CCDC187: variants seen among roughly 807,000 people sequenced by gnomAD.
CCDC187 encodes the protein coiled-coil domain-containing protein 187.
CCDC187 carries 32 observed loss-of-function variants against 38.0 expected under a neutral mutation model. That is an observed-to-expected ratio of 0.84 (90% CI 0.64 to 1.13). The LOEUF (loss-of-function observed/expected upper bound fraction) is 1.13. Ranked by LOEUF, CCDC187 falls within the 50% of genes most tolerant of loss-of-function variation. CCDC187 has a pLI of 0.00. For synonymous variants in CCDC187, 333 were observed against 347.9 expected, an observed-to-expected ratio of 0.96 and a Z score of 0.48; for missense variants, 707 against 786.8, an observed-to-expected ratio of 0.90 and a Z score of 1.21.
chr9:136,293,353 A>ACACT (rs1831405688), intron 4 of CCDC187, among the ~76,000 whole-genome samples: 1 of 147,574 alleles, frequency 6.8e-6, no homozygotes, highest in African/African-American at 2.5e-5. Flanking sequence ...TCACATGCTC[A>ACACT]CACACATTCA....
intron 3 of CCDC187, among the ~76,000 whole-genome samples, chr9:136,298,330 G>C (rs879179340): frequency 0.055 from 8,345 of 152,292 alleles, 250 homozygotes; most frequent in Middle Eastern, 0.11. Flanking sequence ...AGACCTGGGG[G>C]GGCCTTGGCA....
At chr9:136,289,540 AAAG>A (rs1831261963) in intron 7 of CCDC187, among the ~76,000 whole-genome samples, 4 of 150,796 alleles carry the variant, frequency 2.7e-5, no homozygotes, top group South Asian at 2.1e-4. Context: ...AAAAAAAAAA[AAAG>A]AATAGGCAAA....
chr9:136,256,124 C>T lies in CCDC187; in HGVS notation c.4616+87G>A, dbSNP rs782336083. On this transcript the variant is annotated intron_variant, in intron 24 of 25. Transcript: ENST00000638797. ...AGGTGTGCCAGGAGAGAGTGAGGGT[C>T]CCCACAGCAGGGGGACAGGGGGTAC... 118 of 672,718 alleles carry T rather than the reference C, an allele frequency of 1.8e-4. 1 individual carries two copies. The highest frequency in any genetic ancestry group is 3.9e-4 in the South Asian group (6 of 15,264). The allele number at this position is 672,718 out of a possible 1,614,324, so 41.7% of individuals were successfully genotyped here.
chr9:136,285,282 G>A (rs976755694), intron 9 of CCDC187, among the ~76,000 whole-genome samples: 71 of 152,254 alleles, frequency 4.7e-4, no homozygotes, highest in African/African-American at 1.5e-3. Flanking sequence ...GGCATTCGTG[G>A]GGGGAGTGTC....
intron 4 of CCDC187, among the ~76,000 whole-genome samples, chr9:136,294,159 CAT>C (rs1265104088): frequency 2.6e-5 from 4 of 151,288 alleles, no homozygotes; most frequent in Admixed American, 2.6e-4. Flanking sequence ...CTCACACACA[CAT>C]TCACTCACAC....
Position 136,253,745 on chromosome 9 carries a change from G to T in CCDC187, c.6083C>A (p.Thr2028Asn). 1 of 985,610 alleles carries T rather than the reference G, an allele frequency of 1.0e-6. No homozygotes were observed. Among genetic ancestry groups the T allele is most frequent in the East Asian group, 1.1e-4 (1 of 8,820 alleles). The allele number at this position is 985,610 out of a possible 1,614,324, so 61.1% of individuals were successfully genotyped here. Residue 2028 changes from threonine to asparagine, a missense_variant, in exon 26 of 26, where the codon ACC becomes AAC. Thr to Asn is a moderately conservative substitution (Grantham distance 65). Transcript: ENST00000638797. The part of the protein sequence containing the change: ...TPQAQSDGED[T>N]NPCSDAFPSP... ...AGGGAAGGCATCCGAGCATGGGTTG[G>T]TGTCTTCACCATCACTCTGTGCTTG... is the stretch of plus-strand genomic sequence containing the variant.
At chr9:136,293,803 CAG>C (rs1388464694) in intron 4 of CCDC187, among the ~76,000 whole-genome samples, 1 of 152,106 alleles carries the variant, frequency 6.6e-6, no homozygotes, top group Non-Finnish European at 1.5e-5. Flanking sequence ...CACTTTCACA[CAG>C]ACACACATGC....
intron 19 of CCDC187, among the ~76,000 whole-genome samples, chr9:136,261,842 C>G (rs1830682494): frequency 6.6e-6 from 1 of 152,236 alleles, no homozygotes; most frequent in South Asian, 2.1e-4. Context: ...GGGGCCTGAG[C>G]TCAAAGGAGA....
intron 2 of CCDC187, among the ~76,000 whole-genome samples, chr9:136,302,230 C>G (rs1021644539): frequency 7.9e-5 from 12 of 152,136 alleles, no homozygotes; most frequent in African/African-American, 2.9e-4. Context: ...AGGAAAACAT[C>G]TTCCCTGTTT....
At chr9:136,299,117 G>A (rs1831607851) in intron 3 of CCDC187, among the ~76,000 whole-genome samples, 1 of 152,188 alleles carries the variant, frequency 6.6e-6, no homozygotes, top group Admixed American at 6.5e-5. Context: ...CCCCTGGAAG[G>A]CGGAGGAGGG....
Position 136,268,045 on chromosome 9 carries a change from G to C in CCDC187, c.3519+4C>G, listed in dbSNP as rs958208454. ...CCTCTCCCCCAGGGGACCTCTCCAC[G>C]TACCTGGTGGGTGGGGTTGTCCGGA... is the stretch of plus-strand genomic sequence containing the variant. On this transcript the variant is annotated splice_donor_region_variant and intron_variant, in intron 15 of 25. Coordinates refer to ENST00000638797, the MANE Select transcript of CCDC187 (RefSeq NM_001378188.1). 8.1e-6 allele frequency: 8 copies of C among 985,370 alleles called. No individual in the cohort carries two copies. Among genetic ancestry groups the C allele is most frequent in the Non-Finnish European group, 7.2e-6 (6 of 829,940 alleles). The allele number at this position is 985,370 out of a possible 1,614,324, so 61.0% of individuals were successfully genotyped here.
chr9:136,290,256 C>T (rs961808063), intron 6 of CCDC187, among the ~76,000 whole-genome samples: 184 of 152,234 alleles, frequency 1.2e-3, no homozygotes, highest in Non-Finnish European at 2.3e-3. Context: ...GGGGCAAAGG[C>T]GCCCAGGTCT....
At chr9:136,295,924 G>A (rs2131341083) in intron 4 of CCDC187, 1 of 152,382 alleles carries the variant, frequency 6.6e-6, no homozygotes, top group Non-Finnish European at 1.5e-5. Context: ...GAACCTTCTG[G>A]GTGCCCGGGT....
Position 136,266,023 on chromosome 9 carries a change from TC to T in CCDC187, c.3667del (p.Asp1223ThrfsTer29), listed in dbSNP as rs1564309524. On this transcript the variant is annotated frameshift_variant, in exon 17 of 26. Coordinates refer to ENST00000638797, the MANE Select transcript of CCDC187 (RefSeq NM_001378188.1). LOFTEE classifies it high-confidence loss of function. Reference protein sequence around the residue: ...HRRGCLDSKRDRAVLAALVEK... With the variant: ...HRRGCLDSKRXRAVLAALVEK... ...AACCAGCGCGGCCAGCACAGCTCTG[TC>T]CCTCTTGCTGTCCAGGCACCTGGGG... is the stretch of plus-strand genomic sequence containing the variant. 1.1e-5 allele frequency: 11 copies of T among 985,418 alleles called. No individual in the cohort carries two copies. Among genetic ancestry groups the T allele is most frequent in the Non-Finnish European group, 1.3e-5 (11 of 830,008 alleles). 61.0% of individuals were successfully genotyped at this position (985,418 alleles called of 1,614,324 possible).
intron 9 of CCDC187, among the ~76,000 whole-genome samples, chr9:136,282,439 A>G (rs1831067390): frequency 6.6e-6 from 1 of 152,186 alleles, no homozygotes; most frequent in African/African-American, 2.4e-5. Context: ...TGGGGTGCAC[A>G]GAGAGACGGG....
rs1830517742 is a variant in CCDC187 at position 136,250,156 on chromosome 9, C to T, written c.*3438G>A. ...TGGGAGATTAAATGCGTTTACACCT[C>T]TGCTGAAGCGGCTTTTTCTCCGGTG... On this transcript the variant is annotated 3_prime_UTR_variant, in exon 26 of 26. Coordinates refer to ENST00000638797, the MANE Select transcript of CCDC187 (RefSeq NM_001378188.1). 6.3e-6 allele frequency: 1 copy of T among 158,998 alleles called. No homozygotes were observed. The highest frequency in any genetic ancestry group is 1.4e-5 in the Non-Finnish European group (1 of 71,614). 9.8% of individuals were successfully genotyped at this position (158,998 alleles called of 1,614,324 possible). A position where few individuals can be genotyped will look rare whatever the true frequency, so the allele number is the denominator to read the frequency against.
chr9:136,288,271 G>A (rs1210617256), intron 7 of CCDC187, among the ~76,000 whole-genome samples: 6 of 152,274 alleles, frequency 3.9e-5, no homozygotes, highest in South Asian at 4.1e-4. Flanking sequence ...CCAGACTCCC[G>A]GGAAAGAATC....
Position 136,257,441 on chromosome 9 carries a change from C to T in CCDC187, c.4367-600G>A, listed in dbSNP as rs1308452686. On this transcript the variant is annotated intron_variant, in intron 22 of 25. Transcript: ENST00000638797. The surrounding 1 kb of genome is among the most constrained non-coding windows in gnomAD (Gnocchi z 4.5). ...CCTCTTTCCCTCCCTTGGGGGAAAC[C>T]TTTTGCCAGAGCTTGTTCTTCCCCC... Among the ~76,000 whole-genome samples the T allele has an allele frequency of 8.6e-5, 13 of 151,978 alleles. No individual in the cohort carries two copies. The highest frequency in any genetic ancestry group is 2.7e-4 in the African/African-American group (11 of 41,350).
At chr9:136,294,521 A>G (rs1298804880) in intron 4 of CCDC187, among the ~76,000 whole-genome samples, 2 of 152,042 alleles carry the variant, frequency 1.3e-5, no homozygotes, top group Non-Finnish European at 2.9e-5. Context: ...ATGAAGGGGG[A>G]CTTTCTGCCA....
Sources: allele counts gnomAD v4.1 joint callset (sites outside exome capture counted in the v4.1 genomes callset), GRCh38; gene constraint gnomAD v4.1.1; non-coding constraint Gnocchi (gnomAD v3.1); transcripts MANE v1.5; gene names NCBI Gene and HGNC (gene_info 2026-07-23, HGNC 2026-07-21).